The following ARHGAP27 variants were observed in gnomAD, a reference collection of about 807,000 sequenced individuals.
ARHGAP27 encodes the protein rho GTPase-activating protein 27.
A neutral mutation model predicts 102.0 loss-of-function variants in ARHGAP27; 53 were observed. The observed-to-expected ratio is 0.52, with a 90% CI of 0.42 to 0.65. The LOEUF is 0.65. ARHGAP27 is among the 30% of genes least tolerant of loss of function. The pLI, the probability that ARHGAP27 is intolerant of heterozygous loss-of-function variation, is 0.00. For synonymous variants in ARHGAP27, 525 were observed against 542.8 expected (o/e 0.97, Z 0.46); for missense variants, 1,117 against 1,256.2 (o/e 0.89, Z 1.68).
chr17:45,410,412 C>G (rs2047779864), intron 4 of ARHGAP27: 1 of 1,365,854 alleles, frequency 7.3e-7, no homozygotes, highest in African/African-American at 1.5e-5. Context: ...TGGCGGGAGG[C>G]TGAGACTCCA....
At chr17:45,401,009 T>C (rs2046377988) in intron 12 of ARHGAP27, among the ~76,000 whole-genome samples, 4 of 152,074 alleles carry the variant, frequency 2.6e-5, no homozygotes, top group Non-Finnish European at 1.5e-5. Flanking sequence ...CACAGAACTC[T>C]ATCCTGCCAA....
chr17:45,396,803 AAGGCAGGACTGAGTCAGG>A lies in ARHGAP27; in HGVS notation c.1952-31_1952-14del. Reference sequence around the variant, plus strand: ...AGGGCGGGCGCGGCTGCCGCGGGGAAAGGCAGGACTGAGTCAGGAGGCAGCGCCAGGGCAGGCCAGGCA... The same window carrying A: ...AGGGCGGGCGCGGCTGCCGCGGGGAAAGGCAGCGCCAGGGCAGGCCAGGCA... On this transcript the variant is annotated splice_polypyrimidine_tract_variant and intron_variant, in intron 14 of 19. Coordinates refer to ENST00000685559, the MANE Select transcript of ARHGAP27 (RefSeq NM_001282290.2). The A allele has an allele frequency of 6.2e-7, 1 of 1,609,282 alleles. No homozygotes were observed.
At position 45,405,931 on chromosome 17, in the gene ARHGAP27, C is replaced by G. The variant is rs967914283; in HGVS notation, c.810G>C (p.Thr270=). 6.5e-7 allele frequency: 1 copy of G among 1,535,902 alleles called. No individual in the cohort carries two copies. The highest frequency in any genetic ancestry group is 8.7e-7 in the Non-Finnish European group (1 of 1,146,810). ...TGRPYYYNPD[T]GVTTWESPFE... ...AGGGCGACTCCCAGGTGGTAACTCC[C>G]GTGTCTGGGTTGTAGTAGTAGGGGC... The change falls in exon 5 of 20, where the codon ACG becomes ACC. Residue 270 remains threonine, a synonymous_variant. Coordinates refer to ENST00000685559, the MANE Select transcript of ARHGAP27 (RefSeq NM_001282290.2).
rs1261478894 is a variant in ARHGAP27 at position 45,405,895 on chromosome 17, G to A, written c.846C>T (p.Ala282=). 1 of 1,535,910 alleles carries A rather than the reference G, an allele frequency of 6.5e-7. No individual in the cohort carries two copies. Among genetic ancestry groups the A allele is most frequent in the Non-Finnish European group, 8.7e-7 (1 of 1,146,804 alleles). The change falls in exon 5 of 20, where the codon GCC becomes GCT. Residue 282 remains alanine (A), a synonymous_variant. Transcript: ENST00000685559. The part of the protein sequence containing the change: ...VTTWESPFEA[A]EGAASPATSP... ...AGGTGGCTGGGCTGGCGGCACCCTC[G>A]GCAGCCTCAAAGGGCGACTCCCAGG...
At chr17:45,426,883 G>C (rs1277521595) in intron 4 of ARHGAP27, among the ~76,000 whole-genome samples, 1 of 152,022 alleles carries the variant, frequency 6.6e-6, no homozygotes, top group Admixed American at 6.6e-5. Flanking sequence ...AGTGTTATAC[G>C]GCCTTTCTCT....
intron 4 of ARHGAP27, among the ~76,000 whole-genome samples, chr17:45,411,016 C>T (rs8071011): frequency 0.14 from 20,712 of 152,128 alleles, 1,713 homozygotes; most frequent in Middle Eastern, 0.23. Flanking sequence ...TGCCCTCCCA[C>T]GCCTGCATGC....
rs1484260481 is a variant in ARHGAP27, at chr17:45,396,546, C to T, written c.2114G>A (p.Arg705His). The T allele has an allele frequency of 5.0e-6, 8 of 1,594,968 alleles. No individual in the cohort carries two copies. The highest frequency in any genetic ancestry group is 3.3e-5 in the South Asian group (3 of 90,000). ...GAAGCGTGGCACCCGGCTCCTCTCG[C>T]GCTCACACAGCGCGGCCAGCGCGCA... Reference protein sequence around the residue: ...FGCALAALCERERSRVPRFVQ... With the variant: ...FGCALAALCEHERSRVPRFVQ... The change falls in exon 16 of 20, where the codon CGC becomes CAC. Residue 705 changes from arginine to histidine, a missense_variant. Around this residue, in one of 3 missense-constraint regions of ARHGAP27, gnomAD observed 493 missense variants for 505.5 expected, o/e 0.98. Transcript: ENST00000685559.
intron 4 of ARHGAP27, among the ~76,000 whole-genome samples, chr17:45,412,962 CTTTTTTTTTTT>C (rs36233058): frequency 2.4e-3 from 99 of 41,126 alleles, no homozygotes; most frequent in African/African-American, 6.2e-3. Flanking sequence ...TCAGTATAAT[CTTTTTTTTTTT>C]TTTTTTTTTT....
In ARHGAP27 at chr17:45,430,589, C is replaced by G. The variant is rs376441661; in HGVS notation, c.-18-292G>C. 1.6e-4 allele frequency among the ~76,000 whole-genome samples: 25 copies of G among 152,306 alleles called. No individual in the cohort carries two copies. The highest frequency in any genetic ancestry group is 5.8e-4 in the African/African-American group (24 of 41,574). ...GATTGTGGGTAGTCTTGGTCCAAAT[C>G]GACTGCGAGGGAAGCCTTGGCTTTA... On this transcript the variant is annotated intron_variant, in intron 3 of 19. Coordinates refer to ENST00000685559, the MANE Select transcript of ARHGAP27 (RefSeq NM_001282290.2). This position sits in a 1 kb window ranked among gnomAD's most constrained non-coding sequence, Gnocchi z 4.4.
intron 4 of ARHGAP27, among the ~76,000 whole-genome samples, chr17:45,425,320 C>A (rs376581875): frequency 2.0e-5 from 3 of 152,220 alleles, no homozygotes; most frequent in South Asian, 2.1e-4. Flanking sequence ...GTTACCAACA[C>A]CCCTTGCCAA....
At chr17:45,413,998 C>T (rs549892478) in intron 4 of ARHGAP27, among the ~76,000 whole-genome samples, 12 of 151,848 alleles carry the variant, frequency 7.9e-5, no homozygotes, top group Non-Finnish European at 1.2e-4. Context: ...TCCAGCTACT[C>T]GGGAGGCTGA....
At chr17:45,397,828 A>C (rs1567692181) in intron 13 of ARHGAP27, 121 bp downstream of exon 13, 1 of 785,722 alleles carries the variant, frequency 1.3e-6, no homozygotes, top group East Asian at 2.6e-5. Flanking sequence ...CCTAGCCATT[A>C]GTGGGGACTG....
rs1332881694 is a variant in ARHGAP27, at chr17:45,429,860, T to A, written c.420A>T (p.Pro140=). The change falls in exon 4 of 20, where the codon CCA becomes CCT. Residue 140 remains proline, a synonymous_variant. Coordinates refer to ENST00000685559, the MANE Select transcript of ARHGAP27 (RefSeq NM_001282290.2). ...TQRSSLAPGL[P]ACLYLRPAAP... ...CCGCGGGCCGCAGGTACAGGCAGGCTGGCAGGCCGGGCGCCAGGCTGCTGC... is the reference window on the plus strand; with the variant it reads ...CCGCGGGCCGCAGGTACAGGCAGGCAGGCAGGCCGGGCGCCAGGCTGCTGC... 1 of 1,338,464 alleles carries A rather than the reference T, an allele frequency of 7.5e-7. No homozygotes were observed. The highest frequency in any genetic ancestry group is 4.2e-5 in the Admixed American group (1 of 23,820). The allele number at this position is 1,338,464 out of a possible 1,614,324, so 82.9% of individuals were successfully genotyped here.
chr17:45,429,282 T>G, intron 4 of ARHGAP27: 1 of 734,654 alleles, frequency 1.4e-6, no homozygotes, highest in Non-Finnish European at 2.0e-6. Context: ...ATCGAGCTCA[T>G]TTGCATTTCT....
intron 12 of ARHGAP27, among the ~76,000 whole-genome samples, chr17:45,399,360 AG>A (rs1428526845): frequency 6.6e-6 from 1 of 152,174 alleles, no homozygotes; most frequent in East Asian, 1.9e-4. Flanking sequence ...TGGGAGGCTG[AG>A]GCGGGTGGAT....
At chr17:45,399,197 C>T (rs1366268932) in intron 12 of ARHGAP27, among the ~76,000 whole-genome samples, 1 of 152,190 alleles carries the variant, frequency 6.6e-6, no homozygotes. Flanking sequence ...TCAGAGACAA[C>T]AGAAACTGTC....
At position 45,430,151 on chromosome 17, in the gene ARHGAP27, C is replaced by T. The variant is rs1306021547; in HGVS notation, c.129G>A (p.Glu43=). The change falls in exon 4 of 20, where the codon GAG becomes GAA. Residue 43 remains glutamate, a synonymous_variant. Coordinates refer to ENST00000685559, the MANE Select transcript of ARHGAP27 (RefSeq NM_001282290.2). This position sits in a 1 kb window ranked among gnomAD's most constrained non-coding sequence, Gnocchi z 4.4. ...ERYRLLRRST[E]HWWHVRREPG... ...GCTCACGCCGCACGTGCCACCAGTGCTCGGTGCTGCGCCGCAGCAGCCGGT... is the reference window on the plus strand; with the variant it reads ...GCTCACGCCGCACGTGCCACCAGTGTTCGGTGCTGCGCCGCAGCAGCCGGT... The T allele has an allele frequency of 1.3e-6, 2 of 1,534,664 alleles. No individual in the cohort carries two copies. Among genetic ancestry groups the T allele is most frequent in the South Asian group, 1.2e-5 (1 of 84,168 alleles).
At chr17:45,407,519 C>CTTTTTTTTTTTTTTTTTTTTT in intron 4 of ARHGAP27, 1 of 143,028 alleles carries the variant, frequency 7.0e-6, no homozygotes, top group Non-Finnish European at 1.5e-5. Flanking sequence ...TCTTTTTTTT[C>CTTTTTTTTTTTTTTTTTTTTT]TTTTTTTTTT....
intron 4 of ARHGAP27, among the ~76,000 whole-genome samples, chr17:45,422,952 G>A (rs1349353680): frequency 4.6e-5 from 7 of 152,198 alleles, no homozygotes; most frequent in African/African-American, 1.2e-4. Context: ...AGGCTGAGGT[G>A]GGTGGATCAC....
Sources: gnomAD v4.1 joint callset for allele counts (sites outside exome capture counted in the v4.1 genomes callset) on GRCh38, gnomAD v4.1.1 for gene constraint, gnomAD v4.1.1 regional missense constraint, Gnocchi (gnomAD v3.1) non-coding constraint, MANE v1.5 for transcripts, NCBI Gene and HGNC (gene_info 2026-07-23, HGNC 2026-07-21) for gene names.